The following TENM2 variants were observed in gnomAD, a reference collection of about 807,000 sequenced individuals.
TENM2 encodes the protein teneurin-2.
Under a neutral mutation model 245.2 loss-of-function variants are expected in TENM2, and 52 were observed. That is an observed-to-expected ratio of 0.21 (90% CI 0.17 to 0.27). TENM2 has a LOEUF of 0.27. Ranked by LOEUF, TENM2 falls within the 10% of genes least tolerant of loss-of-function variation. The pLI is 1.00. For missense variants in TENM2, 3,046 were observed against 3,666.8 expected, an observed-to-expected ratio of 0.83 and a Z score of 4.37; for synonymous variants, 1,363 against 1,438.9, an observed-to-expected ratio of 0.95 and a Z score of 1.19.
chr5:167,057,279 G>A, the TENM2 span, among the ~76,000 whole-genome samples: 90 of 152,034 alleles, frequency 5.9e-4, no homozygotes, highest in Non-Finnish European at 1.1e-3. Flanking sequence ...CTTATTAATG[G>A]TCATTTAAAA....
intron 2 of TENM2, among the ~76,000 whole-genome samples, chr5:167,593,739 C>G (rs542977819): frequency 2.0e-5 from 3 of 152,204 alleles, no homozygotes; most frequent in Non-Finnish European, 4.4e-5. Flanking sequence ...TAGAAATACT[C>G]CTGAAATTGG....
At chr5:167,044,594 T>A in the TENM2 span, among the ~76,000 whole-genome samples, 95,477 of 151,876 alleles carry the variant, frequency 0.63, 32,069 homozygotes, top group African/African-American at 0.88. Context: ...TAGCAGAAAA[T>A]AATGACACAG....
At chr5:167,027,257 G>GT in the TENM2 span, among the ~76,000 whole-genome samples, 1 of 152,084 alleles carries the variant, frequency 6.6e-6, no homozygotes, top group African/African-American at 2.4e-5. Context: ...GTTACTTTTG[G>GT]TTTTTTGAAA....
chr5:167,402,238 T>G (rs1762403195), intron 2 of TENM2, among the ~76,000 whole-genome samples: 1 of 152,148 alleles, frequency 6.6e-6, no homozygotes, highest in Non-Finnish European at 1.5e-5. Flanking sequence ...TTTAAAAGGT[T>G]GTTGTGGGAT....
At chr5:167,740,033 G>C (rs529194639) in intron 2 of TENM2, among the ~76,000 whole-genome samples, 3 of 152,142 alleles carry the variant, frequency 2.0e-5, no homozygotes, top group African/African-American at 7.2e-5. Flanking sequence ...GGGTTTCTGC[G>C]ATGTTTCATT....
chr5:167,285,372 A>G (rs1185979415), intron 1 of TENM2, among the ~76,000 whole-genome samples: 1 of 152,194 alleles, frequency 6.6e-6, no homozygotes. Context: ...TGGTTAAAAC[A>G]TCTTTGAAAT....
chr5:167,273,770 G>A, the TENM2 span, among the ~76,000 whole-genome samples: 3 of 152,096 alleles, frequency 2.0e-5, no homozygotes, highest in Non-Finnish European at 4.4e-5. Flanking sequence ...GAAAGGGGTG[G>A]TAAAATAATG....
At chr5:168,024,708 A>C (rs958952912) in intron 5 of TENM2, among the ~76,000 whole-genome samples, 1 of 152,194 alleles carries the variant, frequency 6.6e-6, no homozygotes, top group Non-Finnish European at 1.5e-5. Flanking sequence ...GATCATGCAT[A>C]GCTCTCTCAA....
chr5:167,888,386 A>G (rs542035850), intron 3 of TENM2, among the ~76,000 whole-genome samples: 28 of 152,362 alleles, frequency 1.8e-4, no homozygotes, highest in Admixed American at 1.4e-3. Flanking sequence ...CAGGTGCTCA[A>G]TAAATATTAG....
At chr5:167,320,856 G>A (rs926760474) in intron 1 of TENM2, among the ~76,000 whole-genome samples, 2 of 151,968 alleles carry the variant, frequency 1.3e-5, no homozygotes, top group African/African-American at 2.4e-5. Context: ...CTAAGACAAG[G>A]GACAACTTAT....
intron 2 of TENM2, among the ~76,000 whole-genome samples, chr5:167,683,506 T>A (rs929258234): frequency 6.6e-6 from 1 of 152,222 alleles, no homozygotes; most frequent in African/African-American, 2.4e-5. Flanking sequence ...AAATACCTGG[T>A]TGAATGTAAT....
chr5:167,819,837 T>C (rs1349477777), intron 2 of TENM2, among the ~76,000 whole-genome samples: 1 of 152,226 alleles, frequency 6.6e-6, no homozygotes, highest in Admixed American at 6.5e-5. Flanking sequence ...TGTCTAGGGC[T>C]GTGGCTTCAA....
At chr5:168,024,300 C>T (rs996987857) in intron 5 of TENM2, among the ~76,000 whole-genome samples, 1 of 152,164 alleles carries the variant, frequency 6.6e-6, no homozygotes, top group African/African-American at 2.4e-5. Context: ...GGAGCTCCTG[C>T]GTGCAGGGAC....
At chr5:167,605,159 A>G (rs2127736592) in intron 2 of TENM2, among the ~76,000 whole-genome samples, 1 of 152,240 alleles carries the variant, frequency 6.6e-6, no homozygotes, top group Non-Finnish European at 1.5e-5. Context: ...TTTCCCCATG[A>G]CTGCAGGCCA....
chr5:166,989,400 C>T, the TENM2 span, among the ~76,000 whole-genome samples: 75 of 151,846 alleles, frequency 4.9e-4, no homozygotes, highest in African/African-American at 1.7e-3. Context: ...GCTGGGACTA[C>T]AGACACACAC....
At chr5:168,038,640 G>T (rs964272853) in intron 5 of TENM2, among the ~76,000 whole-genome samples, 1 of 152,236 alleles carries the variant, frequency 6.6e-6, no homozygotes, top group African/African-American at 2.4e-5. Context: ...GTGAAGCTCA[G>T]AGAGGTAAAT....
chr5:168,078,256 C>G (rs1431235120), intron 7 of TENM2, among the ~76,000 whole-genome samples: 1 of 152,100 alleles, frequency 6.6e-6, no homozygotes, highest in African/African-American at 2.4e-5. Flanking sequence ...ATATCCTTTG[C>G]CCACTTTTTG....
At chr5:167,925,450 T>C (rs1715853277) in intron 3 of TENM2, among the ~76,000 whole-genome samples, 1 of 152,228 alleles carries the variant, frequency 6.6e-6, no homozygotes, top group South Asian at 2.1e-4. Context: ...GATAGTTACA[T>C]GGGTATATGT....
intron 2 of TENM2, among the ~76,000 whole-genome samples, chr5:167,488,133 C>A (rs1159566989): frequency 6.6e-6 from 1 of 152,106 alleles, no homozygotes; most frequent in Non-Finnish European, 1.5e-5. Flanking sequence ...CTGTTTCTCT[C>A]CTTCATCATA....
Sources: gnomAD v4.1 joint callset for allele counts (sites outside exome capture counted in the v4.1 genomes callset) on GRCh38, gnomAD v4.1.1 for gene constraint, MANE v1.5 for transcripts, NCBI Gene and HGNC (gene_info 2026-07-23, HGNC 2026-07-21) for gene names.